Variants in SOD2 observed in about 807,000 individuals in gnomAD.
SOD2 encodes the protein superoxide dismutase 2, also known as superoxide dismutase [Mn], mitochondrial.
SOD2 carries 11 observed loss-of-function variants against 27.0 expected under a neutral mutation model. The ratio of observed to expected loss-of-function variants is 0.41; its 90% CI spans 0.26 to 0.67. The LOEUF is 0.67. Among genes scored for constraint, SOD2 ranks in the 30% least tolerant of loss-of-function variants. The probability of loss-of-function intolerance (pLI) is 0.34; values close to 1 mark genes in which losing one functional copy is unlikely to be tolerated. For synonymous variants in SOD2, 105 were observed against 103.0 expected (o/e 1.02, Z -0.12); for missense variants, 250 against 274.5 (o/e 0.91, Z 0.63).
intron 1 of SOD2, among the ~76,000 whole-genome samples, chr6:159,758,137 T>C (rs1271865134): frequency 4.6e-5 from 7 of 152,162 alleles, no homozygotes. Context: ...ATCTAATTGG[T>C]TTGAATCCTG....
upstream of SOD2, among the ~76,000 whole-genome samples, chr6:159,729,807 A>G (rs923687105): frequency 2.6e-5 from 4 of 152,194 alleles, no homozygotes; most frequent in Admixed American, 6.5e-5. Context: ...TTTGTTCGCC[A>G]AGGTACCGTG....
At chr6:159,738,903 A>C in intron 1 of SOD2, 1 of 971,530 alleles carries the variant, frequency 1.0e-6, no homozygotes, top group South Asian at 1.6e-5. Flanking sequence ...TTTAAATCTC[A>C]CACTTGGGAG....
intron 1 of SOD2, among the ~76,000 whole-genome samples, chr6:159,705,563 T>C (rs1033115022): frequency 2.0e-5 from 3 of 151,734 alleles, no homozygotes; most frequent in African/African-American, 7.3e-5. Context: ...AGAAGAGAAG[T>C]TAAGAGAAAA....
intron 1 of SOD2, among the ~76,000 whole-genome samples, chr6:159,715,641 T>C (rs957223169): frequency 2.6e-5 from 4 of 152,214 alleles, no homozygotes; most frequent in Admixed American, 6.5e-5. Flanking sequence ...GGCTCACGCC[T>C]GTAATCTTAA....
At chr6:159,724,855 A>C (rs1778110263) in intron 1 of SOD2, among the ~76,000 whole-genome samples, 1 of 151,200 alleles carries the variant, frequency 6.6e-6, no homozygotes. Flanking sequence ...CTGTTCTCAA[A>C]AAAGAAAAAA....
chr6:159,741,912 G>A (rs927724360), intron 1 of SOD2: 4 of 506,824 alleles, frequency 7.9e-6, no homozygotes, highest in African/African-American at 2.0e-5. Context: ...TTTGCGCCAC[G>A]CTGCACTCCA....
chr6:159,710,542 G>T (rs1777715012), intron 1 of SOD2, among the ~76,000 whole-genome samples: 1 of 152,118 alleles, frequency 6.6e-6, no homozygotes, highest in South Asian at 2.1e-4. Flanking sequence ...GGATATACTA[G>T]ACATCCCTCC....
intron 1 of SOD2, among the ~76,000 whole-genome samples, chr6:159,718,592 T>A (rs1261813845): frequency 6.6e-6 from 1 of 152,180 alleles, no homozygotes. Flanking sequence ...GTTCACTAAA[T>A]CTGAAAGATT....
upstream of SOD2, chr6:159,748,941 T>C: frequency 8.9e-7 from 1 of 1,121,682 alleles, no homozygotes; most frequent in Non-Finnish European, 1.1e-6. The surrounding 1 kb of genome is among the most constrained non-coding windows in gnomAD (Gnocchi z 5.6). Flanking sequence ...TGAGGTGAAT[T>C]TTGCCTTTAA....
chr6:159,700,942 G>A (rs1178167617), intron 1 of SOD2, among the ~76,000 whole-genome samples: 1 of 150,978 alleles, frequency 6.6e-6, no homozygotes, highest in Non-Finnish European at 1.5e-5. Flanking sequence ...CACAATGTAG[G>A]ATCTCGGCTT....
In SOD2 at chr6:159,671,830, C is replaced by A. The variant is rs1041690881; in HGVS notation, c.*10663G>T. On this transcript the variant is annotated 3_prime_UTR_variant, in exon 5 of 5. Coordinates refer to ENST00000538183, the MANE Select transcript of SOD2 (RefSeq NM_000636.4). ...GGAAGTTCGAACCCATCACAAAGAA[C>A]CTAAAAACCTTGAAAAAAGATTAGA... 1 of 152,034 alleles carries A rather than the reference C, an allele frequency of 6.6e-6. No homozygotes were observed. The highest frequency in any genetic ancestry group is 1.5e-5 in the Non-Finnish European group (1 of 68,016). 9.4% of individuals were successfully genotyped at this position (152,034 alleles called of 1,614,324 possible).
chr6:159,692,286 G>C (rs887497801), intron 2 of SOD2: 83 of 708,328 alleles, frequency 1.2e-4, no homozygotes, highest in Non-Finnish European at 1.6e-4. Flanking sequence ...TTTCCCCAAA[G>C]CACATTATAC....
rs1427976332 is a variant in SOD2 at position 159,670,195 on chromosome 6, T to A, written c.*12298A>T. 6.6e-6 allele frequency: 1 copy of A among 152,430 alleles called. No individual in the cohort carries two copies. The highest frequency in any genetic ancestry group is 1.5e-5 in the Non-Finnish European group (1 of 68,278). 9.4% of individuals were successfully genotyped at this position (152,430 alleles called of 1,614,324 possible). ...GCTAAATTTTAACTTTCTGTAGAGA[T>A]GGGGTCTTGCTTTGTTGCCCAGGCT... On this transcript the variant is annotated 3_prime_UTR_variant, in exon 5 of 5. Coordinates refer to ENST00000538183, the MANE Select transcript of SOD2 (RefSeq NM_000636.4).
chr6:159,761,975 G>A, exon 1 of SOD2: 2 of 1,235,834 alleles, frequency 1.6e-6, no homozygotes, highest in Non-Finnish European at 2.3e-6. Flanking sequence ...GGGAGGTGGA[G>A]GGCGAGGGGC....
chr6:159,730,658 A>T (rs1778509418), upstream of SOD2, among the ~76,000 whole-genome samples: 1 of 152,224 alleles, frequency 6.6e-6, no homozygotes, highest in Non-Finnish European at 1.5e-5. Context: ...TTTTCATCAG[A>T]TTAAAGTTGA....
chr6:159,737,112 A>G (rs1478009917), intron 1 of SOD2, among the ~76,000 whole-genome samples: 1 of 152,088 alleles, frequency 6.6e-6, no homozygotes, highest in African/African-American at 2.4e-5. Flanking sequence ...CAGTGGTGCA[A>G]TCTTGGCTTA....
intron 1 of SOD2, among the ~76,000 whole-genome samples, chr6:159,738,115 A>C (rs1304364705): frequency 6.6e-6 from 1 of 152,208 alleles, no homozygotes; most frequent in East Asian, 1.9e-4. Context: ...TATTGGGGGA[A>C]GTGGGGAAGA....
At chr6:159,727,187 G>C in exon 1 of SOD2, 2 of 1,225,156 alleles carry the variant, frequency 1.6e-6, no homozygotes, top group Non-Finnish European at 1.0e-6. Flanking sequence ...GAAAGGACGG[G>C]GAGTGTTACC....
intron 1 of SOD2, among the ~76,000 whole-genome samples, chr6:159,706,260 CATA>C (rs1211411253): frequency 2.0e-5 from 3 of 152,162 alleles, no homozygotes; most frequent in African/African-American, 4.8e-5. Context: ...CAAATTCACA[CATA>C]ATAATATTAA....
Sources: gnomAD v4.1 joint callset for allele counts (sites outside exome capture counted in the v4.1 genomes callset) on GRCh38, gnomAD v4.1.1 for gene constraint, Gnocchi (gnomAD v3.1) non-coding constraint, MANE v1.5 for transcripts, NCBI Gene and HGNC (gene_info 2026-07-23, HGNC 2026-07-21) for gene names.